The following MFAP2 variants were observed in gnomAD, a reference collection of about 807,000 sequenced individuals.
MFAP2 encodes the protein microfibrillar-associated protein 2.
Under a neutral mutation model 30.6 loss-of-function variants are expected in MFAP2, and 23 were observed. That is an observed-to-expected ratio of 0.75 (90% CI 0.54 to 1.07). MFAP2 has a LOEUF of 1.07. Ranked by LOEUF, MFAP2 falls within the 50% of genes least tolerant of loss-of-function variation. The probability of loss-of-function intolerance (pLI) is 0.00; values close to 1 mark genes in which losing one functional copy is unlikely to be tolerated. For synonymous variants in MFAP2, 73 were observed against 85.7 expected, an observed-to-expected ratio of 0.85 and a Z score of 0.82; for missense variants, 198 against 223.8, an observed-to-expected ratio of 0.88 and a Z score of 0.74.
At chr1:16,979,609 C>T (rs913264507) in intron 1 of MFAP2, among the ~76,000 whole-genome samples, 5 of 152,186 alleles carry the variant, frequency 3.3e-5, no homozygotes, top group African/African-American at 1.2e-4. Context: ...TTCTGAAAAC[C>T]CTTGACCTCC....
rs2076585491 is a variant in MFAP2, at chr1:16,975,754, A to G, written c.287-24T>C. ...GTCTGGTGACAGGTGGGGTCAGACT[A>G]GGAGCCCAGAGTGGGGGGCGGCCCC... On this transcript the variant is annotated intron_variant, in intron 6 of 8. Coordinates refer to ENST00000375535, the MANE Select transcript of MFAP2 (RefSeq NM_002403.4). The surrounding 1 kb of genome is among the most constrained non-coding windows in gnomAD (Gnocchi z 5.0). The G allele has an allele frequency of 6.2e-7, 1 of 1,605,826 alleles. No homozygotes were observed. Among genetic ancestry groups the G allele is most frequent in the Non-Finnish European group, 8.5e-7 (1 of 1,174,260 alleles).
chr1:16,980,670 C>G (rs1009769034), upstream of MFAP2: 2 of 152,328 alleles, frequency 1.3e-5, no homozygotes. Context: ...TCCGGGCCCC[C>G]GACGGGGCTG....
At position 16,978,456 on chromosome 1, in the gene MFAP2, C is replaced by T; in HGVS notation, c.-41-142G>A. 1.1e-5 allele frequency: 8 copies of T among 699,668 alleles called. No individual in the cohort carries two copies. In the South Asian group the frequency reaches 1.5e-4, roughly 13 times the overall value. 43.3% of individuals were successfully genotyped at this position (699,668 alleles called of 1,614,324 possible). ...TGGGAGGGCTGGAGTGGAGGGACAT[C>T]CCAGTCCCTGCTGGCCCACCCAGGT... On this transcript the variant is annotated intron_variant, in intron 1 of 8. Coordinates refer to ENST00000375535, the MANE Select transcript of MFAP2 (RefSeq NM_002403.4).
chr1:16,976,610 C>T lies in MFAP2; in HGVS notation c.242-65G>A. The T allele has an allele frequency of 6.2e-7, 1 of 1,612,002 alleles. No homozygotes were observed. ...GGTCTCCTCAGGGCAAGGGGAGTCA[C>T]CTCTCCCAGCCCTGGCAGACCCCCA... On this transcript the variant is annotated intron_variant, in intron 5 of 8. Coordinates refer to ENST00000375535, the MANE Select transcript of MFAP2 (RefSeq NM_002403.4). This position sits in a 1 kb window ranked among gnomAD's most constrained non-coding sequence, Gnocchi z 5.5.
At position 16,975,596 on chromosome 1, in the gene MFAP2, C is replaced by G. The variant is rs371926369; in HGVS notation, c.374+47G>C. The G allele has an allele frequency of 1.3e-5, 20 of 1,582,196 alleles. No individual in the cohort carries two copies. Among genetic ancestry groups the G allele is most frequent in the African/African-American group, 8.1e-5 (6 of 74,250 alleles). On this transcript the variant is annotated intron_variant, in intron 7 of 8. Coordinates refer to ENST00000375535, the MANE Select transcript of MFAP2 (RefSeq NM_002403.4). The surrounding 1 kb of genome is among the most constrained non-coding windows in gnomAD (Gnocchi z 5.0). Reference sequence around the variant, plus strand: ...CAGAGCTGTCCCCTGTGCCCTCTAGCCCCCCATGCTCCGGAATCCTCCCGA... The same window carrying G: ...CAGAGCTGTCCCCTGTGCCCTCTAGGCCCCCATGCTCCGGAATCCTCCCGA...
At chr1:16,977,004 C>T in intron 3 of MFAP2, 81 bp from the exon 4 acceptor site, 1 of 1,612,996 alleles carries the variant, frequency 6.2e-7, no homozygotes, top group Admixed American at 1.7e-5. Context: ...CCCTCCTGAG[C>T]CAGGGACCAA....
At chr1:16,977,928 C>T (rs895467004) in intron 2 of MFAP2, 4 of 344,042 alleles carry the variant, frequency 1.2e-5, no homozygotes, top group African/African-American at 6.3e-5. Flanking sequence ...GGTGCCCCTG[C>T]ACCTGCACAT....
chr1:16,975,420 C>T lies in MFAP2; in HGVS notation c.375-78G>A, dbSNP rs565850083. ...GGGATAGCCCAGACAGAACCTGGCA[C>T]GGGAGCCCGGACAGAACCTGGCACG... On this transcript the variant is annotated intron_variant, in intron 7 of 8. Coordinates refer to ENST00000375535, the MANE Select transcript of MFAP2 (RefSeq NM_002403.4). This position sits in a 1 kb window ranked among gnomAD's most constrained non-coding sequence, Gnocchi z 5.0. The T allele has an allele frequency of 3.0e-5, 28 of 939,270 alleles. No homozygotes were observed. Among genetic ancestry groups the T allele is most frequent in the East Asian group, 9.5e-5 (1 of 10,570 alleles). The allele number at this position is 939,270 out of a possible 1,614,324, so 58.2% of individuals were successfully genotyped here. A position where few individuals can be genotyped will look rare whatever the true frequency, so the allele number is the denominator to read the frequency against.
Position 16,976,251 on chromosome 1 carries a change from G to T in MFAP2, c.286+250C>A, listed in dbSNP as rs1256991637. On this transcript the variant is annotated intron_variant, in intron 6 of 8. Coordinates refer to ENST00000375535, the MANE Select transcript of MFAP2 (RefSeq NM_002403.4). This position sits in a 1 kb window ranked among gnomAD's most constrained non-coding sequence, Gnocchi z 5.5. ...CCCAGCACACTCCCTGCCCCTCCCAGTATCTGTGAGGTCAGGGGCCTTCCT... is the reference window on the plus strand; with the variant it reads ...CCCAGCACACTCCCTGCCCCTCCCATTATCTGTGAGGTCAGGGGCCTTCCT... The T allele has an allele frequency of 3.4e-6, 2 of 596,652 alleles. No homozygotes were observed. Among genetic ancestry groups the T allele is most frequent in the East Asian group, 5.6e-5 (2 of 35,822 alleles). 37.0% of individuals were successfully genotyped at this position (596,652 alleles called of 1,614,324 possible).
rs1158755008 is a variant in MFAP2 at position 16,976,681 on chromosome 1, CG to C, written c.241+26del. 2 of 1,612,308 alleles carry C rather than the reference CG, an allele frequency of 1.2e-6. No individual in the cohort carries two copies. The highest frequency in any genetic ancestry group is 4.5e-5 in the East Asian group (2 of 44,838). On this transcript the variant is annotated intron_variant, in intron 5 of 8. Coordinates refer to ENST00000375535, the MANE Select transcript of MFAP2 (RefSeq NM_002403.4). This position sits in a 1 kb window ranked among gnomAD's most constrained non-coding sequence, Gnocchi z 5.5. ...GGGAGGGGTGAGGCAGGAGCTGAGACGGGTGGGAGCAGGGTCTGGGGCCTAC... is the reference window on the plus strand; with the variant it reads ...GGGAGGGGTGAGGCAGGAGCTGAGACGGTGGGAGCAGGGTCTGGGGCCTAC...
upstream of MFAP2, among the ~76,000 whole-genome samples, chr1:16,981,136 C>G (rs2076635751): frequency 6.6e-6 from 1 of 152,170 alleles, no homozygotes; most frequent in South Asian, 2.1e-4. Context: ...ACCAGCGGTT[C>G]TTTCTTTCCT....
At chr1:16,979,934 G>T (rs1252930770) in intron 1 of MFAP2, among the ~76,000 whole-genome samples, 1 of 152,172 alleles carries the variant, frequency 6.6e-6, no homozygotes, top group Non-Finnish European at 1.5e-5. Flanking sequence ...GGGTTTTGGG[G>T]CGTGCGGGAG....
chr1:16,977,252 C>G (rs146470513), intron 2 of MFAP2, 54 bp from the exon 3 acceptor site: 4 of 1,571,864 alleles, frequency 2.5e-6, no homozygotes, highest in Non-Finnish European at 3.5e-6. Context: ...AACGGGGGCC[C>G]GAGGCGCTTC....
chr1:16,980,266 G>GGCCCCCC (rs1557656617), intron 1 of MFAP2, among the ~76,000 whole-genome samples: 1 of 66,636 alleles, frequency 1.5e-5, no homozygotes, highest in Non-Finnish European at 3.2e-5. Flanking sequence ...ATTCCCACCG[G>GGCCCCCC]ACCCCCCCCC....
At position 16,977,102 on chromosome 1, in the gene MFAP2, C is replaced by A; in HGVS notation, c.127+7G>T. 1 of 1,613,870 alleles carries A rather than the reference C, an allele frequency of 6.2e-7. No homozygotes were observed. Reference sequence around the variant, plus strand: ...GCCAGGCCTCGGTGACCCGGCAAGGCCCTTACCGATCTGGTCGCTATAGTG... The same window carrying A: ...GCCAGGCCTCGGTGACCCGGCAAGGACCTTACCGATCTGGTCGCTATAGTG... On this transcript the variant is annotated splice_region_variant and intron_variant, in intron 3 of 8. Transcript: ENST00000375535.
chr1:16,979,650 G>T (rs1158324618), intron 1 of MFAP2, among the ~76,000 whole-genome samples: 1 of 152,220 alleles, frequency 6.6e-6, no homozygotes, highest in East Asian at 1.9e-4. Context: ...GACCCAGAGA[G>T]CCTTCCTTGC....
intron 1 of MFAP2, among the ~76,000 whole-genome samples, chr1:16,979,651 C>CTTTT (rs2076621061): frequency 6.6e-6 from 1 of 152,228 alleles, no homozygotes; most frequent in East Asian, 1.9e-4. Flanking sequence ...ACCCAGAGAG[C>CTTTT]CTTCCTTGCC....
upstream of MFAP2, among the ~76,000 whole-genome samples, chr1:16,981,313 G>T (rs1002664969): frequency 1.3e-5 from 2 of 152,158 alleles, no homozygotes; most frequent in Non-Finnish European, 2.9e-5. Context: ...CCCTGACCCA[G>T]CCTATGTGTC....
intron 2 of MFAP2, chr1:16,977,455 C>T (rs1355184330): frequency 2.1e-5 from 10 of 480,062 alleles, no homozygotes; most frequent in Non-Finnish European, 3.4e-5. Context: ...TCCACATGCT[C>T]CTGCCTCCCT....
Sources: gnomAD v4.1 joint callset for allele counts (sites outside exome capture counted in the v4.1 genomes callset) on GRCh38, gnomAD v4.1.1 for gene constraint, Gnocchi (gnomAD v3.1) non-coding constraint, MANE v1.5 for transcripts, NCBI Gene and HGNC (gene_info 2026-07-23, HGNC 2026-07-21) for gene names.